KIF21B: variants seen among roughly 807,000 people sequenced by gnomAD.
KIF21B encodes kinesin-like protein KIF21B.
A neutral mutation model predicts 192.9 loss-of-function variants in KIF21B; 85 were observed. That is an observed-to-expected ratio of 0.44 (90% CI 0.37 to 0.53). The LOEUF (loss-of-function observed/expected upper bound fraction) is 0.53, where lower values mean the gene tolerates loss of function less well. Ranked by LOEUF, KIF21B falls within the 20% of genes least tolerant of loss-of-function variation. The pLI, the probability that KIF21B is intolerant of heterozygous loss-of-function variation, is 0.00. For synonymous variants in KIF21B, 832 were observed against 884.6 expected (o/e 0.94, Z 1.05); for missense variants, 1,716 against 2,194.8 (o/e 0.78, Z 4.36).
chr1:200,990,445 C>A lies in KIF21B; in HGVS notation c.2836-113G>T. ...GGCCTGTGAGGTCCCCCCAGCACCT[C>A]TGGATTCCAGAGCAGGCAAAAGGAG... On this transcript the variant is annotated intron_variant, in intron 19 of 34. Transcript: ENST00000461742. This position sits in a 1 kb window ranked among gnomAD's most constrained non-coding sequence, Gnocchi z 5.4. 1 of 1,483,192 alleles carries A rather than the reference C, an allele frequency of 6.7e-7. No individual in the cohort carries two copies. Among genetic ancestry groups the A allele is most frequent in the South Asian group, 1.3e-5 (1 of 79,578 alleles). 91.9% of individuals were successfully genotyped at this position (1,483,192 alleles called of 1,614,324 possible). A position where few individuals can be genotyped will look rare whatever the true frequency, so the allele number is the denominator to read the frequency against.
chr1:201,018,877 T>A (rs1431300266), intron 1 of KIF21B, among the ~76,000 whole-genome samples: 1 of 152,234 alleles, frequency 6.6e-6, no homozygotes, highest in Non-Finnish European at 1.5e-5. Flanking sequence ...TACTAAATAG[T>A]TCACTAAAGC....
intron 15 of KIF21B, 44 bp from the exon 16 acceptor site, chr1:200,992,433 C>A (rs773077354): frequency 2.1e-5 from 34 of 1,594,932 alleles, no homozygotes; most frequent in Non-Finnish European, 2.9e-5. Flanking sequence ...GGCTGGGAGG[C>A]AGGTGGCCCA....
intron 31 of KIF21B, 31 bp from the exon 32 acceptor site, chr1:200,976,924 G>T: frequency 6.5e-7 from 1 of 1,538,600 alleles, no homozygotes; most frequent in South Asian, 1.1e-5. Context: ...GCCAGGGGTA[G>T]GTGAATTAGA....
rs560480809 is a variant in KIF21B, at chr1:201,023,188, C to A, written c.41+155G>T. On this transcript the variant is annotated intron_variant, in intron 1 of 34. Transcript: ENST00000461742. The surrounding 1 kb of genome is among the most constrained non-coding windows in gnomAD (Gnocchi z 5.9). Reference sequence around the variant, plus strand: ...TCGCCGCTCCCCTGCGGCAGACTGGCCAGCGCGCGGCGCCCTCCATCCCGT... The same window carrying A: ...TCGCCGCTCCCCTGCGGCAGACTGGACAGCGCGCGGCGCCCTCCATCCCGT... Among the ~76,000 whole-genome samples the A allele has an allele frequency of 4.4e-3, 678 of 152,394 alleles. 3 individuals are homozygous for A. The highest frequency in any genetic ancestry group is 0.02 in the Middle Eastern group (6 of 294).
Position 200,981,069 on chromosome 1 carries a change from G to A in KIF21B, c.3870C>T (p.Ala1290=), listed in dbSNP as rs201895912. ...LRGIISPVGG[A]KGARTAPLQC... ...GCAGTGGGGCCGTCCGTGCACCCTT[G>A]GCTCCTCCAACCGGGGAGATGATGC... The change falls in exon 29 of 35, where the codon GCC becomes GCT. Residue 1290 remains alanine, a synonymous_variant. Transcript: ENST00000461742. The A allele has an allele frequency of 6.3e-7, 1 of 1,598,860 alleles. No homozygotes were observed. Among genetic ancestry groups the A allele is most frequent in the African/African-American group, 1.3e-5 (1 of 74,136 alleles).
At chr1:200,974,491 G>A (rs1340487529) in intron 34 of KIF21B, among the ~76,000 whole-genome samples, 1 of 152,142 alleles carries the variant, frequency 6.6e-6, no homozygotes, top group East Asian at 1.9e-4. Context: ...TTGGCCCAGG[G>A]CCCAGTACCT....
At position 200,969,804 on chromosome 1, in the gene KIF21B, G is replaced by A. The variant is rs1655130640; in HGVS notation, c.*3717C>T. Reference sequence around the variant, plus strand: ...CAGGGGACAGAACAAAGGTATCAAAGAAGAAACAGAACTTTCCCTGCAAAA... The same window carrying A: ...CAGGGGACAGAACAAAGGTATCAAAAAAGAAACAGAACTTTCCCTGCAAAA... On this transcript the variant is annotated 3_prime_UTR_variant, in exon 35 of 35. Coordinates refer to ENST00000461742, the MANE Select transcript of KIF21B (RefSeq NM_001252102.2). 1 of 152,460 alleles carries A rather than the reference G, an allele frequency of 6.6e-6. No individual in the cohort carries two copies. The highest frequency in any genetic ancestry group is 2.4e-5 in the African/African-American group (1 of 41,466). The allele number at this position is 152,460 out of a possible 1,614,324, so 9.4% of individuals were successfully genotyped here.
At position 200,998,359 on chromosome 1, in the gene KIF21B, T is replaced by A; in HGVS notation, c.2077+25A>T. On this transcript the variant is annotated intron_variant, in intron 14 of 34. Transcript: ENST00000461742. The surrounding 1 kb of genome is among the most constrained non-coding windows in gnomAD (Gnocchi z 4.3). Reference sequence around the variant, plus strand: ...GGGAAAAGGGAGGGTCCGGATGGGGTGGAGGGGCATGGCGGTGGCCTCACT... The same window carrying A: ...GGGAAAAGGGAGGGTCCGGATGGGGAGGAGGGGCATGGCGGTGGCCTCACT... 1 of 1,588,922 alleles carries A rather than the reference T, an allele frequency of 6.3e-7. No individual in the cohort carries two copies. Among genetic ancestry groups the A allele is most frequent in the Non-Finnish European group, 8.6e-7 (1 of 1,165,316 alleles).
At chr1:201,020,685 C>T (rs1302908424) in intron 1 of KIF21B, among the ~76,000 whole-genome samples, 1 of 152,176 alleles carries the variant, frequency 6.6e-6, no homozygotes, top group East Asian at 1.9e-4. Flanking sequence ...GGAGCCCAGG[C>T]CTTCACTGAA....
At chr1:201,022,368 A>G (rs754955176) in intron 1 of KIF21B, among the ~76,000 whole-genome samples, 9 of 152,180 alleles carry the variant, frequency 5.9e-5, no homozygotes, top group Non-Finnish European at 1.2e-4. Context: ...TTCTTGCCAC[A>G]TCCCTACCTT....
At position 200,999,903 on chromosome 1, in the gene KIF21B, C is replaced by T; in HGVS notation, c.1747G>A (p.Asp583Asn). Residue 583 changes from aspartate to asparagine, a missense_variant, in exon 12 of 35, where the codon GAT becomes AAT. This residue lies in a region of KIF21B where 1,087 missense variants were observed against 1,316.6 expected (regional missense o/e 0.83). Transcript: ENST00000461742. The surrounding 1 kb of genome is among the most constrained non-coding windows in gnomAD (Gnocchi z 4.7). ...KLQQENSEET[D>N]ENEAEEEEEE... is the part of the protein sequence containing the mutation. ...CTCACCTCCTCCGCCTCGTTCTCATCCGTCTCCTCGCTGTTCTCCTGTTGG... is the reference window on the plus strand; with the variant it reads ...CTCACCTCCTCCGCCTCGTTCTCATTCGTCTCCTCGCTGTTCTCCTGTTGG... The T allele has an allele frequency of 6.2e-7, 1 of 1,613,956 alleles. No individual in the cohort carries two copies. The highest frequency in any genetic ancestry group is 8.5e-7 in the Non-Finnish European group (1 of 1,180,028).
rs555895863 is a variant in KIF21B, at chr1:201,004,354, C to A, written c.1002G>T (p.Ser334=). 17 of 1,567,380 alleles carry A rather than the reference C, an allele frequency of 1.1e-5. No individual in the cohort carries two copies. Among genetic ancestry groups the A allele is most frequent in the South Asian group, 1.1e-4 (9 of 85,198 alleles). Residue 334 remains serine (S), a synonymous_variant, in exon 7 of 35, where the codon TCG becomes TCT. Transcript: ENST00000461742. ...DSKLTRLLQD[S]LGGNSQTIMI... ...TCACCAGATACCTGTTGCCCCCCAG[C>A]GAATCCTGGAGGAGCCGAGTGAGCT...
intron 27 of KIF21B, among the ~76,000 whole-genome samples, chr1:200,983,358 T>C (rs296559): frequency 0.97 from 146,939 of 152,108 alleles, 71,128 homozygotes; most frequent in Non-Finnish European, 0.99. Context: ...CACGGGGAGA[T>C]GTGGGAGCAC....
intron 3 of KIF21B, 82 bp from the exon 4 acceptor site, chr1:201,005,776 G>A: frequency 3.5e-6 from 5 of 1,411,818 alleles, no homozygotes; most frequent in Non-Finnish European, 3.9e-6. Flanking sequence ...AACCATATCT[G>A]TTTTACAGAT....
chr1:200,985,055 GCCT>G, intron 26 of KIF21B, 83 bp from the exon 27 acceptor site: 1 of 878,312 alleles, frequency 1.1e-6, no homozygotes, highest in South Asian at 1.6e-5. Context: ...TCCACCTTCT[GCCT>G]TGTGAGGCCC....
rs557619272 is a variant in KIF21B, at chr1:200,996,575, C to T, written c.2078-180G>A. On this transcript the variant is annotated intron_variant, in intron 14 of 34. Coordinates refer to ENST00000461742, the MANE Select transcript of KIF21B (RefSeq NM_001252102.2). ...AATGAGGGGGTCAGACTAGTTGATGCCCAAGGCCCCTTCCTGCTCTGACAT... is the reference window on the plus strand; with the variant it reads ...AATGAGGGGGTCAGACTAGTTGATGTCCAAGGCCCCTTCCTGCTCTGACAT... 5.9e-5 allele frequency among the ~76,000 whole-genome samples: 9 copies of T among 152,242 alleles called. No homozygotes were observed. The South Asian group carries it at 1.9e-3, about 32-fold the overall frequency.
At position 200,990,094 on chromosome 1, in the gene KIF21B, C is replaced by G; in HGVS notation, c.3030+44G>C. On this transcript the variant is annotated intron_variant, in intron 20 of 34. Coordinates refer to ENST00000461742, the MANE Select transcript of KIF21B (RefSeq NM_001252102.2). This position sits in a 1 kb window ranked among gnomAD's most constrained non-coding sequence, Gnocchi z 5.4. ...GTCACCTGGGGCTACCCCTGCCACC[C>G]ATCTCTCCCGCCTCCGCCCCAGCAG... 6.2e-7 allele frequency: 1 copy of G among 1,610,574 alleles called. No homozygotes were observed. Among genetic ancestry groups the G allele is most frequent in the Non-Finnish European group, 8.5e-7 (1 of 1,177,466 alleles).
intron 1 of KIF21B, among the ~76,000 whole-genome samples, chr1:201,014,895 T>C (rs967995173): frequency 1.3e-5 from 2 of 152,190 alleles, no homozygotes; most frequent in Non-Finnish European, 2.9e-5. Flanking sequence ...TTCTTACAAA[T>C]ATGGTGCATG....
Position 201,000,475 on chromosome 1 carries a change from T to C in KIF21B, c.1600A>G (p.Met534Val), listed in dbSNP as rs1657409859. ...CGGATCACCTCCGAGGCATCCTCCA[T>C]GGAGCTGGCAGGGCTGCCCCCGAAG... is the stretch of plus-strand genomic sequence containing the variant. Reference protein sequence around the residue: ...PAFGGSPASSMEDASEVIRRA... With the variant: ...PAFGGSPASSVEDASEVIRRA... Residue 534 changes from methionine (M) to valine (V), a missense_variant, in exon 11 of 35, where the codon ATG becomes GTG. Around this residue, in one of 3 missense-constraint regions of KIF21B, gnomAD observed 1,087 missense variants for 1,316.6 expected, o/e 0.83. Coordinates refer to ENST00000461742, the MANE Select transcript of KIF21B (RefSeq NM_001252102.2). The surrounding 1 kb of genome is among the most constrained non-coding windows in gnomAD (Gnocchi z 6.0). 1 of 1,603,602 alleles carries C rather than the reference T, an allele frequency of 6.2e-7. No homozygotes were observed. Among genetic ancestry groups the C allele is most frequent in the East Asian group, 2.2e-5 (1 of 44,688 alleles).
Sources: allele counts gnomAD v4.1 joint callset (sites outside exome capture counted in the v4.1 genomes callset), GRCh38; gene constraint gnomAD v4.1.1; regional missense constraint gnomAD v4.1.1; non-coding constraint Gnocchi (gnomAD v3.1); transcripts MANE v1.5; gene names NCBI Gene and HGNC (gene_info 2026-07-23, HGNC 2026-07-21).